ECEL1: variants seen among roughly 807,000 people sequenced by gnomAD.
ECEL1 encodes the protein endothelin converting enzyme like 1, also known as endothelin-converting enzyme-like 1.
A neutral mutation model predicts 101.8 loss-of-function variants in ECEL1; 87 were observed. That is an observed-to-expected ratio of 0.85 (90% confidence interval 0.72 to 1.02). The LOEUF is 1.02. Among genes scored for constraint, ECEL1 ranks in the 50% least tolerant of loss-of-function variants. The pLI is 0.00. For missense variants in ECEL1, 1,032 were observed against 1,079.2 expected, an observed-to-expected ratio of 0.96 and a Z score of 0.61; for synonymous variants, 487 against 468.7, an observed-to-expected ratio of 1.04 and a Z score of -0.50.
In ECEL1 at chr2:232,481,768, C is replaced by G. The variant is rs770673747; in HGVS notation, c.1864+14G>C. 1 of 1,613,794 alleles carries G rather than the reference C, an allele frequency of 6.2e-7. No homozygotes were observed. Among genetic ancestry groups the G allele is most frequent in the South Asian group, 1.1e-5 (1 of 91,084 alleles). On this transcript the variant is annotated intron_variant, in intron 13 of 17. Transcript: ENST00000304546. Reference sequence around the variant, plus strand: ...CCCCTCCGGGCCATCCCCTGGGGCCCCAACAGGCCTCACCCCAGTCGTCGT... The same window carrying G: ...CCCCTCCGGGCCATCCCCTGGGGCCGCAACAGGCCTCACCCCAGTCGTCGT...
Position 232,486,642 on chromosome 2 carries a change from C to CG in ECEL1, c.11dup (p.Tyr5ValfsTer9), listed in dbSNP as rs754413379. The CG allele has an allele frequency of 1.3e-6, 2 of 1,528,560 alleles. No individual in the cohort carries two copies. Among genetic ancestry groups the CG allele is most frequent in the Non-Finnish European group, 1.7e-6 (2 of 1,148,540 alleles). The allele number at this position is 1,528,560 out of a possible 1,614,324, so 94.7% of individuals were successfully genotyped here. A position where few individuals can be genotyped will look rare whatever the true frequency, so the allele number is the denominator to read the frequency against. Reference sequence around the variant, plus strand: ...CATCGTAGTGCGCCGTCAGCGAATACGGGGGCTCCATGGCGCCGAGGCCGC... The same window carrying CG: ...CATCGTAGTGCGCCGTCAGCGAATACGGGGGGCTCCATGGCGCCGAGGCCGC... On this transcript the variant is annotated frameshift_variant, in exon 2 of 18. Coordinates refer to ENST00000304546, the MANE Select transcript of ECEL1 (RefSeq NM_004826.4). LOFTEE classifies it high-confidence loss of function.
At chr2:232,481,903 ATGC>A (rs1575075718) in intron 12 of ECEL1, 54 bp from the exon 13 acceptor site, 1 of 1,608,010 alleles carries the variant, frequency 6.2e-7, no homozygotes, top group East Asian at 2.2e-5. Flanking sequence ...TGAGAGCCCC[ATGC>A]TGCTGCCCAG....
At chr2:232,480,890 AGCCCTCCCT>A in intron 15 of ECEL1, 77 bp from the exon 16 acceptor site, 3 of 1,448,716 alleles carry the variant, frequency 2.1e-6, no homozygotes, top group Non-Finnish European at 2.8e-6. Flanking sequence ...CCATCTAGGT[AGCCCTCCCT>A]GCTCTCCCTG....
At chr2:232,482,349 C>T (rs894258108) in intron 12 of ECEL1, 69 bp downstream of exon 12, 2 of 1,606,546 alleles carry the variant, frequency 1.2e-6, no homozygotes, top group African/African-American at 2.7e-5. Context: ...CGCCGACACA[C>T]ACCTGGTAGA....
rs1369374970 is a variant in ECEL1, at chr2:232,484,477, G to C, written c.1179C>G (p.Pro393=). ...QQVSQLIRST[P]HRVLHNYLVW... is the part of the protein sequence containing the mutation. ...TGCCAGATCTGCAGCCATACCGGTGGGGTGTGGAGCGGATGAGCTGCGACA... is the reference window on the plus strand; with the variant it reads ...TGCCAGATCTGCAGCCATACCGGTGCGGTGTGGAGCGGATGAGCTGCGACA... Residue 393 remains proline (P), a synonymous_variant, in exon 6 of 18, where the codon CCC becomes CCG. Coordinates refer to ENST00000304546, the MANE Select transcript of ECEL1 (RefSeq NM_004826.4). 1 of 1,613,732 alleles carries C rather than the reference G, an allele frequency of 6.2e-7. No homozygotes were observed. The highest frequency in any genetic ancestry group is 1.7e-5 in the Admixed American group (1 of 60,026).
chr2:232,482,269 G>A, intron 12 of ECEL1, 149 bp downstream of exon 12: 1 of 990,592 alleles, frequency 1.0e-6, no homozygotes, highest in Non-Finnish European at 1.6e-6. Flanking sequence ...AGGATGTAGT[G>A]GGGAGCCAGG....
chr2:232,480,162 G>T lies in ECEL1; in HGVS notation c.2319C>A (p.Ser773=). 1 of 1,613,356 alleles carries T rather than the reference G, an allele frequency of 6.2e-7. No individual in the cohort carries two copies. Among genetic ancestry groups the T allele is most frequent in the East Asian group, 2.2e-5 (1 of 44,812 alleles). The stretch of plus-strand genomic sequence containing the variant: ...AGGCGGGCAGCCAGGCTCACCACAC[G>T]GAACACTTGTGGGCAGGGTTCATGG... ...DSPMNPAHKC[S]VW is the part of the protein sequence containing the mutation. The change falls in exon 18 of 18, where the codon TCC becomes TCA. Residue 773 remains serine (S), a synonymous_variant. Coordinates refer to ENST00000304546, the MANE Select transcript of ECEL1 (RefSeq NM_004826.4).
chr2:232,487,695 G>A (rs957643091), intron 1 of ECEL1, 24 bp downstream of exon 1: 3 of 151,372 alleles, frequency 2.0e-5, no homozygotes, highest in African/African-American at 7.3e-5. Context: ...TGGCCTCAGC[G>A]GCAGGGACTC....
At chr2:232,485,334 C>T in intron 2 of ECEL1, 67 bp from the exon 3 acceptor site, 1 of 1,555,736 alleles carries the variant, frequency 6.4e-7, no homozygotes, top group South Asian at 1.2e-5. Flanking sequence ...AGAGGGAATT[C>T]CCACTCCAAT....
At position 232,486,176 on chromosome 2, in the gene ECEL1, G is replaced by T. The variant is rs961022417; in HGVS notation, c.478C>A (p.Arg160Ser). The change falls in exon 2 of 18, where the codon CGC becomes AGC. Residue 160 changes from arginine (R) to serine (S), a missense_variant. Arg to Ser is a moderately radical substitution (Grantham distance 110). Coordinates refer to ENST00000304546, the MANE Select transcript of ECEL1 (RefSeq NM_004826.4). ...IAAIGEQNEE[R>S]LRRLLARPGG... ...GGCCGCGCCAGCAGGCGCCGTAGGC[G>T]CTCCTCGTTTTGCTCGCCGATGGCC... is the stretch of plus-strand genomic sequence containing the variant. The T allele has an allele frequency of 1.3e-6, 2 of 1,589,728 alleles. No homozygotes were observed. The highest frequency in any genetic ancestry group is 1.7e-6 in the Non-Finnish European group (2 of 1,173,350).
At chr2:232,485,174 G>C (rs374352395) in intron 3 of ECEL1, 25 bp downstream of exon 3, 3 of 1,613,142 alleles carry the variant, frequency 1.9e-6, no homozygotes, top group East Asian at 2.2e-5. Context: ...GGCCTTCCCT[G>C]CCTCCCCATC....
At chr2:232,482,378 C>T (rs767313040) in intron 12 of ECEL1, 40 bp downstream of exon 12, 13 of 1,612,804 alleles carry the variant, frequency 8.1e-6, no homozygotes, top group Non-Finnish European at 1.0e-5. Flanking sequence ...GCAATGCCAG[C>T]CCTGCCCTCA....
In ECEL1 at chr2:232,486,062, G is replaced by A; in HGVS notation, c.592C>T (p.Pro198Ser). 2 of 1,606,542 alleles carry A rather than the reference G, an allele frequency of 1.2e-6. No homozygotes were observed. Among genetic ancestry groups the A allele is most frequent in the Non-Finnish European group, 8.5e-7 (1 of 1,177,602 alleles). The part of the protein sequence containing the change: ...LDMREIERLG[P>S]RPMLEVIEDC... ...TCGATGACCTCTAGCATGGGTCGCG[G>A]GCCCAGTCGCTCGATCTCGCGCATG... The change falls in exon 2 of 18, where the codon CCG becomes TCG. Residue 198 changes from proline (P) to serine (S), a missense_variant. Coordinates refer to ENST00000304546, the MANE Select transcript of ECEL1 (RefSeq NM_004826.4).
At chr2:232,481,034 T>C in intron 15 of ECEL1, 57 bp downstream of exon 15, 1 of 1,542,460 alleles carries the variant, frequency 6.5e-7, no homozygotes, top group African/African-American at 1.4e-5. Context: ...TCATCTGGAG[T>C]CCTCATCAGC....
At position 232,486,449 on chromosome 2, in the gene ECEL1, C is replaced by T. The variant is rs890190621; in HGVS notation, c.205G>A (p.Ala69Thr). Residue 69 changes from alanine to threonine, a missense_variant, in exon 2 of 18, where the codon GCC (alanine) becomes ACC (threonine). By Grantham distance (58) the Ala-to-Thr change is moderately conservative. Transcript: ENST00000304546. ...GCCAGAATGGCGCAGAGGCCGGCGG[C>T]GAACACCAGCCCCGACAGCAGGCAC... is the stretch of plus-strand genomic sequence containing the variant. ...EVCLLSGLVF[A>T]AGLCAILAAM... The T allele has an allele frequency of 1.4e-6, 2 of 1,452,950 alleles. No individual in the cohort carries two copies. Among genetic ancestry groups the T allele is most frequent in the South Asian group, 1.4e-5 (1 of 73,052 alleles). 90.0% of individuals were successfully genotyped at this position (1,452,950 alleles called of 1,614,324 possible).
chr2:232,486,552 G>A lies in ECEL1; in HGVS notation c.102C>T (p.Pro34=). 7.3e-7 allele frequency: 1 copy of A among 1,360,782 alleles called. No individual in the cohort carries two copies. Among genetic ancestry groups the A allele is most frequent in the Non-Finnish European group, 9.4e-7 (1 of 1,062,850 alleles). 84.3% of individuals were successfully genotyped at this position (1,360,782 alleles called of 1,614,324 possible). A position where few individuals can be genotyped will look rare whatever the true frequency, so the allele number is the denominator to read the frequency against. ...GCGCAGCGCCCAACGGGAAGCCCGG[G>A]GGCAGGGAGGCCCCGCGCGCGCCCC... ...GAGGARGASL[P]PGFPLGAARS... Residue 34 remains proline, a synonymous_variant, in exon 2 of 18, where the codon CCC becomes CCT. Coordinates refer to ENST00000304546, the MANE Select transcript of ECEL1 (RefSeq NM_004826.4).
Position 232,486,219 on chromosome 2 carries a change from G to A in ECEL1, c.435C>T (p.Leu145=), listed in dbSNP as rs1360076893. 3 of 1,601,406 alleles carry A rather than the reference G, an allele frequency of 1.9e-6. No individual in the cohort carries two copies. The highest frequency in any genetic ancestry group is 2.5e-6 in the Non-Finnish European group (3 of 1,178,440). Residue 145 remains leucine (L), a synonymous_variant, in exon 2 of 18, where the codon CTC becomes CTT. Coordinates refer to ENST00000304546, the MANE Select transcript of ECEL1 (RefSeq NM_004826.4). Reference sequence around the variant, plus strand: ...CGATGGCCGCGATGGTGCCATAGGTGAGCTTGTCGTCGGGGATGGCGTGGC... The same window carrying A: ...CGATGGCCGCGATGGTGCCATAGGTAAGCTTGTCGTCGGGGATGGCGTGGC... ...LRRHAIPDDK[L]TYGTIAAIGE...
chr2:232,483,892 C>T, intron 7 of ECEL1, 109 bp downstream of exon 7: 1 of 1,240,492 alleles, frequency 8.1e-7, no homozygotes, highest in Non-Finnish European at 1.1e-6. Flanking sequence ...GGGCCTGGTC[C>T]CCCTGCCTGC....
intron 15 of ECEL1, 121 bp downstream of exon 15, chr2:232,480,970 C>T: frequency 1.4e-6 from 2 of 1,402,670 alleles, no homozygotes; most frequent in Non-Finnish European, 9.8e-7. Flanking sequence ...ACATGCCCTG[C>T]CCCACCCCAG....
Sources: gnomAD v4.1 joint callset for allele counts on GRCh38, gnomAD v4.1.1 for gene constraint, MANE v1.5 for transcripts, NCBI Gene and HGNC (gene_info 2026-07-23, HGNC 2026-07-21) for gene names.